ARFGEF2: variants seen among roughly 807,000 people sequenced by gnomAD.
ARFGEF2 encodes brefeldin A-inhibited guanine nucleotide-exchange protein 2.
A neutral mutation model predicts 219.9 loss-of-function variants in ARFGEF2; 74 were observed. The ratio of observed to expected loss-of-function variants is 0.34; its 90% confidence interval spans 0.28 to 0.41. The LOEUF is 0.41. Among genes scored for constraint, ARFGEF2 ranks in the 10% least tolerant of loss-of-function variants. ARFGEF2 has a pLI of 1.00. For synonymous variants in ARFGEF2, 733 were observed against 799.2 expected (o/e 0.92, Z 1.40); for missense variants, 1,743 against 2,218.3 (o/e 0.79, Z 4.30).
At chr20:49,022,547 G>A (rs2091572404) in intron 34 of ARFGEF2, among the ~76,000 whole-genome samples, 1 of 152,190 alleles carries the variant, frequency 6.6e-6, no homozygotes, top group Admixed American at 6.5e-5. Context: ...AGCCCACTGG[G>A]TGGCAGAGAA....
intron 22 of ARFGEF2, 138 bp downstream of exon 22, chr20:48,994,736 G>C: frequency 1.5e-6 from 2 of 1,299,228 alleles, no homozygotes. Flanking sequence ...AATGCAAGTG[G>C]ACGTGCTGCT....
chr20:48,985,438 G>T lies in ARFGEF2; in HGVS notation c.2101G>T (p.Ala701Ser), dbSNP rs201298117. The T allele has an allele frequency of 2.4e-5, 38 of 1,614,024 alleles. No homozygotes were observed. Among genetic ancestry groups the T allele is most frequent in the Non-Finnish European group, 3.1e-5 (37 of 1,180,040 alleles). Residue 701 changes from alanine to serine, a missense_variant, in exon 16 of 39, where the codon GCA becomes TCA. By Grantham distance (99) the Ala-to-Ser change is moderately conservative (BLOSUM62 1). This residue lies in a region of ARFGEF2 where 666 missense variants were observed against 955.4 expected (regional missense o/e 0.70). Transcript: ENST00000371917. The part of the protein sequence containing the change: ...TQVGDFLGDS[A>S]RFNKEVMYAY... ...AGTAGGCGATTTTCTGGGAGATAGC[G>T]CAAGGTTCAACAAGGAGGTGATGTA... is the stretch of plus-strand genomic sequence containing the variant.
In ARFGEF2 at chr20:48,985,431, A is replaced by G; in HGVS notation, c.2094A>G (p.Gly698=). ...LDSTQVGDFL[G]DSARFNKEVM... The stretch of plus-strand genomic sequence containing the variant: ...AGACCCAAGTAGGCGATTTTCTGGG[A>G]GATAGCGCAAGGTTCAACAAGGAGG... Residue 698 remains glycine, a synonymous_variant, in exon 16 of 39, where the codon GGA becomes GGG. Coordinates refer to ENST00000371917, the MANE Select transcript of ARFGEF2 (RefSeq NM_006420.3). 1 of 1,614,144 alleles carries G rather than the reference A, an allele frequency of 6.2e-7. No individual in the cohort carries two copies. The highest frequency in any genetic ancestry group is 8.5e-7 in the Non-Finnish European group (1 of 1,180,034).
intron 30 of ARFGEF2, among the ~76,000 whole-genome samples, chr20:49,014,870 CA>C (rs1434631969): frequency 1.3e-5 from 2 of 152,152 alleles, no homozygotes; most frequent in Non-Finnish European, 2.9e-5. Flanking sequence ...CTACAGAACA[CA>C]GACAAAAACA....
Position 48,941,882 on chromosome 20 carries a change from A to G in ARFGEF2, c.171A>G (p.Pro57=). 6.2e-7 allele frequency: 1 copy of G among 1,614,206 alleles called. No homozygotes were observed. Among genetic ancestry groups the G allele is most frequent in the East Asian group, 2.2e-5 (1 of 44,890 alleles). The part of the protein sequence containing the change: ...IEKQRLGTAA[P]PKANFIEADK... ...CTCCTAGGCTTGGCACTGCTGCACCACCAAAGGCAAACTTCATTGAAGCTG... is the reference window on the plus strand; with the variant it reads ...CTCCTAGGCTTGGCACTGCTGCACCGCCAAAGGCAAACTTCATTGAAGCTG... The change falls in exon 3 of 39, where the codon CCA becomes CCG. Residue 57 remains proline, a synonymous_variant. Coordinates refer to ENST00000371917, the MANE Select transcript of ARFGEF2 (RefSeq NM_006420.3).
intron 3 of ARFGEF2, among the ~76,000 whole-genome samples, chr20:48,945,514 G>A (rs2091020044): frequency 6.6e-6 from 1 of 152,100 alleles, no homozygotes; most frequent in African/African-American, 2.4e-5. Flanking sequence ...ACCCTGCCTT[G>A]TTTCAACCCA....
chr20:48,979,207 G>A (rs1036658877), intron 14 of ARFGEF2, among the ~76,000 whole-genome samples: 6 of 152,094 alleles, frequency 3.9e-5, no homozygotes, highest in Non-Finnish European at 8.8e-5. Flanking sequence ...TTTGTTGAAG[G>A]CCTTTTTTGC....
rs2123522188 is a variant in ARFGEF2, at chr20:49,012,100, C to G, written c.3918+16C>G. 1 of 1,614,172 alleles carries G rather than the reference C, an allele frequency of 6.2e-7. No individual in the cohort carries two copies. The highest frequency in any genetic ancestry group is 2.2e-5 in the East Asian group (1 of 44,890). ...GAGGCCTCGGGTTCGTTTTTCCCCA[C>G]CTTACTCAGATGGGCAGTGAAGGGA... On this transcript the variant is annotated intron_variant, in intron 28 of 38. Coordinates refer to ENST00000371917, the MANE Select transcript of ARFGEF2 (RefSeq NM_006420.3).
intron 8 of ARFGEF2, among the ~76,000 whole-genome samples, chr20:48,967,317 A>G (rs1357772027): frequency 6.6e-6 from 1 of 152,266 alleles, no homozygotes; most frequent in Non-Finnish European, 1.5e-5. Context: ...AAAATTCTGT[A>G]TGGATCACTG....
rs146224842 is a variant in ARFGEF2 at position 48,967,123 on chromosome 20, G to A, written c.1059+1100G>A. Among the ~76,000 whole-genome samples, 235 of 152,320 alleles carry A rather than the reference G, an allele frequency of 1.5e-3. 1 individual carries two copies. The Middle Eastern group carries it at 0.024, about 15-fold the overall frequency. Reference sequence around the variant, plus strand: ...AGCTTCCCAAAGTGCTGGGTTTACAGGCTTGAGCCACTGTATCCAACCAGA... The same window carrying A: ...AGCTTCCCAAAGTGCTGGGTTTACAAGCTTGAGCCACTGTATCCAACCAGA... On this transcript the variant is annotated intron_variant, in intron 8 of 38. Transcript: ENST00000371917.
chr20:49,016,351 T>C lies in ARFGEF2; in HGVS notation c.4251T>C (p.Tyr1417=). 1 of 1,614,050 alleles carries C rather than the reference T, an allele frequency of 6.2e-7. No homozygotes were observed. Among genetic ancestry groups the C allele is most frequent in the Non-Finnish European group, 8.5e-7 (1 of 1,179,990 alleles). The change falls in exon 31 of 39, where the codon TAT becomes TAC. Residue 1417 remains tyrosine (Y), a synonymous_variant. Coordinates refer to ENST00000371917, the MANE Select transcript of ARFGEF2 (RefSeq NM_006420.3). The part of the protein sequence containing the change: ...YAICDVFTQF[Y]EALNEVLLSD... ...TTTGTGATGTTTTTACCCAGTTTTA[T>C]GAAGCTTTGAATGAAGTTCTTCTTT...
At chr20:48,990,051 T>C (rs190642941) in intron 20 of ARFGEF2, among the ~76,000 whole-genome samples, 234 of 152,228 alleles carry the variant, frequency 1.5e-3, no homozygotes, top group Non-Finnish European at 2.5e-3. Context: ...TGGTGGTACA[T>C]GCCTATAATC....
chr20:48,922,102 C>T, intron 1 of ARFGEF2, 92 bp downstream of exon 1: 1 of 1,479,250 alleles, frequency 6.8e-7, no homozygotes, highest in South Asian at 1.3e-5. Flanking sequence ...CTCCTGGCCT[C>T]CGCTTCCCCC....
At chr20:48,937,698 C>G (rs2090967505) in intron 1 of ARFGEF2, among the ~76,000 whole-genome samples, 2 of 152,246 alleles carry the variant, frequency 1.3e-5, no homozygotes, top group African/African-American at 4.8e-5. Context: ...TCTGCAGTTA[C>G]TCTTCCAGGT....
In ARFGEF2 at chr20:48,988,637, G is replaced by A. The variant is rs751064262; in HGVS notation, c.2508G>A (p.Thr836=). The change falls in exon 18 of 39, where the codon ACG becomes ACA. Residue 836 remains threonine, a synonymous_variant. Coordinates refer to ENST00000371917, the MANE Select transcript of ARFGEF2 (RefSeq NM_006420.3). ...CAATGAAAGAAACAAAAGAGCTAAC[G>A]ATTGCAACCAAATCTACTAAGCAGA... ...KIAMKETKEL[T]IATKSTKQNV... 21 of 1,613,340 alleles carry A rather than the reference G, an allele frequency of 1.3e-5. 1 individual carries two copies. The Admixed American group carries it at 1.3e-4, about 10-fold the overall frequency.
At chr20:48,963,768 C>T in intron 6 of ARFGEF2, 62 bp from the exon 7 acceptor site, 1 of 1,531,094 alleles carries the variant, frequency 6.5e-7, no homozygotes, top group South Asian at 1.1e-5. Context: ...TCCTTTTCCT[C>T]TCTTCCTTTG....
Position 48,985,521 on chromosome 20 carries a change from A to G in ARFGEF2, c.2184A>G (p.Thr728=), listed in dbSNP as rs780841667. The G allele has an allele frequency of 1.2e-6, 2 of 1,614,136 alleles. No homozygotes were observed. Among genetic ancestry groups the G allele is most frequent in the East Asian group, 2.2e-5 (1 of 44,908 alleles). ...CEKEFVSALR[T]FLEGFRLPGE... is the part of the protein sequence containing the mutation. ...AAGAATTTGTCTCAGCCCTGCGGAC[A>G]TTCCTAGAAGGTTTCCGCCTACCTG... The change falls in exon 16 of 39, where the codon ACA becomes ACG. Residue 728 remains threonine, a synonymous_variant. Coordinates refer to ENST00000371917, the MANE Select transcript of ARFGEF2 (RefSeq NM_006420.3).
rs1408969990 is a variant in ARFGEF2, at chr20:49,032,032, C to T, written c.5064-17C>T. ...AATCAATTGTTTGATATGCCTCCCC[C>T]TCTCTAATTCTTCTAGTGTTTGCAG... On this transcript the variant is annotated splice_polypyrimidine_tract_variant and intron_variant, in intron 37 of 38. Coordinates refer to ENST00000371917, the MANE Select transcript of ARFGEF2 (RefSeq NM_006420.3). 1 of 1,559,122 alleles carries T rather than the reference C, an allele frequency of 6.4e-7. No individual in the cohort carries two copies. Among genetic ancestry groups the T allele is most frequent in the East Asian group, 2.2e-5 (1 of 44,624 alleles).
intron 3 of ARFGEF2, among the ~76,000 whole-genome samples, chr20:48,950,292 A>G (rs2091057515): frequency 6.6e-6 from 1 of 152,146 alleles, no homozygotes; most frequent in Non-Finnish European, 1.5e-5. Flanking sequence ...ATACACTGAC[A>G]GGATTCAACG....
Sources: allele counts gnomAD v4.1 joint callset (sites outside exome capture counted in the v4.1 genomes callset), GRCh38; gene constraint gnomAD v4.1.1; regional missense constraint gnomAD v4.1.1; transcripts MANE v1.5; gene names NCBI Gene and HGNC (gene_info 2026-07-23, HGNC 2026-07-21).